GRIP1: variants seen among roughly 807,000 people sequenced by gnomAD.
The protein encoded by GRIP1 is glutamate receptor interacting protein 1.
A neutral mutation model predicts 129.9 loss-of-function variants in GRIP1; 45 were observed. That is an observed-to-expected ratio of 0.35 (90% CI 0.27 to 0.44). The LOEUF (loss-of-function observed/expected upper bound fraction) is 0.44, where lower values mean the gene tolerates loss of function less well. Ranked by LOEUF, GRIP1 falls within the 20% of genes least tolerant of loss-of-function variation. The probability of loss-of-function intolerance (pLI) is 1.00; values close to 1 mark genes in which losing one functional copy is unlikely to be tolerated. For synonymous variants in GRIP1, 530 were observed against 520.8 expected (o/e 1.02, Z -0.24); for missense variants, 1,196 against 1,396.8 (o/e 0.86, Z 2.29).
Position 66,959,290 on chromosome 12 carries a change from T to C in GRIP1, c.58+109760A>G, listed in dbSNP as rs1024595240. The stretch of plus-strand genomic sequence containing the variant: ...CTATAATTTAAACTAATTTATAGTT[T>C]TGTTTGGTTTTTTGCTTAAGCCACA... On this transcript the variant is annotated intron_variant, in intron 1 of 1. Transcript: ENST00000643019. 4.6e-5 allele frequency among the ~76,000 whole-genome samples: 7 copies of C among 152,184 alleles called. No individual in the cohort carries two copies. In the South Asian group the frequency reaches 1.4e-3, roughly 31 times the overall value.
chr12:66,437,280 C>T (rs1326961218), intron 13 of GRIP1, among the ~76,000 whole-genome samples: 1 of 152,170 alleles, frequency 6.6e-6, no homozygotes, highest in African/African-American at 2.4e-5. Context: ...AAGGATTTTT[C>T]TGAATCCAGT....
intron 19 of GRIP1, among the ~76,000 whole-genome samples, chr12:66,385,093 A>G (rs747147906): frequency 1.3e-5 from 2 of 152,248 alleles, no homozygotes; most frequent in African/African-American, 2.4e-5. Flanking sequence ...ATCAACTGCC[A>G]GATAGATAAT....
intron 1 of GRIP1, among the ~76,000 whole-genome samples, chr12:66,764,499 A>G (rs2037568724): frequency 6.6e-6 from 1 of 152,056 alleles, no homozygotes; most frequent in Non-Finnish European, 1.5e-5. Context: ...CAAAATTTAC[A>G]CTCAACTTTT....
At chr12:66,356,750 ACT>A (rs1025699715) in intron 23 of GRIP1, among the ~76,000 whole-genome samples, 7 of 152,088 alleles carry the variant, frequency 4.6e-5, no homozygotes, top group Non-Finnish European at 8.8e-5. Context: ...AAATATGATC[ACT>A]TTCTTTCATA....
intron 1 of GRIP1, among the ~76,000 whole-genome samples, chr12:66,916,075 A>AC (rs1348729067): frequency 6.6e-6 from 1 of 152,238 alleles, no homozygotes; most frequent in Non-Finnish European, 1.5e-5. Context: ...GTGGGCACAC[A>AC]CAGAATGGTG....
rs2054022517 is a variant in GRIP1, at chr12:66,347,537, A to G, written c.*1482T>C. On this transcript the variant is annotated 3_prime_UTR_variant, in exon 25 of 25. Coordinates refer to ENST00000359742, the MANE Select transcript of GRIP1 (RefSeq NM_001366722.1). ...TATTTGAACAATTTTGAATTCCCCA[A>G]AACCATACATAGACGATAAATACCA... 1 of 152,202 alleles carries G rather than the reference A, an allele frequency of 6.6e-6. No individual in the cohort carries two copies. Among genetic ancestry groups the G allele is most frequent in the Non-Finnish European group, 1.5e-5 (1 of 68,040 alleles). The allele number at this position is 152,202 out of a possible 1,614,324, so 9.4% of individuals were successfully genotyped here.
intron 1 of GRIP1, among the ~76,000 whole-genome samples, chr12:66,696,912 A>T (rs1195105773): frequency 6.6e-6 from 1 of 152,040 alleles, no homozygotes; most frequent in Non-Finnish European, 1.5e-5. Flanking sequence ...ATGCAAAAAA[A>T]GTTGCTTGTT....
intron 1 of GRIP1, among the ~76,000 whole-genome samples, chr12:66,618,649 CAA>C (rs1207198494): frequency 6.6e-6 from 1 of 152,066 alleles, no homozygotes; most frequent in Non-Finnish European, 1.5e-5. Flanking sequence ...TCTTTGCCAA[CAA>C]AGTCTAGTAA....
At chr12:66,716,146 A>G (rs2035880762) in intron 1 of GRIP1, among the ~76,000 whole-genome samples, 1 of 152,130 alleles carries the variant, frequency 6.6e-6, no homozygotes, top group Non-Finnish European at 1.5e-5. Flanking sequence ...AGGAAGATCA[A>G]ACGTGATAAA....
intron 1 of GRIP1, among the ~76,000 whole-genome samples, chr12:66,759,550 C>T (rs142122049): frequency 0.037 from 5,559 of 152,286 alleles, 120 homozygotes; most frequent in Middle Eastern, 0.082. Context: ...TTTGTCTTTT[C>T]TACTGCATCA....
At chr12:66,824,805 GA>G (rs1729472709) in intron 1 of GRIP1, among the ~76,000 whole-genome samples, 1 of 152,084 alleles carries the variant, frequency 6.6e-6, no homozygotes, top group African/African-American at 2.4e-5. Flanking sequence ...CTTTTTTTAA[GA>G]GGGGGCATAA....
At chr12:67,015,858 G>C (rs2042778583) in intron 1 of GRIP1, among the ~76,000 whole-genome samples, 1 of 152,136 alleles carries the variant, frequency 6.6e-6, no homozygotes, top group South Asian at 2.1e-4. Context: ...CCACATGAGA[G>C]ACAACAAGAA....
chr12:66,694,390 G>GT (rs2035082442), intron 1 of GRIP1, among the ~76,000 whole-genome samples: 1 of 152,074 alleles, frequency 6.6e-6, no homozygotes. Context: ...GAAACAGAGA[G>GT]TTTCCACATA....
At chr12:66,891,152 AT>A (rs1689437558) in intron 1 of GRIP1, among the ~76,000 whole-genome samples, 1 of 152,182 alleles carries the variant, frequency 6.6e-6, no homozygotes, top group Admixed American at 6.5e-5. Flanking sequence ...AAGCTTTTAT[AT>A]TTTTTTCCAC....
chr12:67,038,762 AC>A (rs1240454532), intron 1 of GRIP1, among the ~76,000 whole-genome samples: 2 of 152,218 alleles, frequency 1.3e-5, no homozygotes, highest in African/African-American at 4.8e-5. Context: ...CAGACTCTAT[AC>A]AAATCAAAAG....
intron 11 of GRIP1, among the ~76,000 whole-genome samples, chr12:66,449,438 G>C (rs374191195): frequency 1.4e-5 from 2 of 144,894 alleles, no homozygotes; most frequent in East Asian, 2.1e-4. Flanking sequence ...TGTCTAGGAG[G>C]AGTAAGAAAA....
At chr12:66,622,312 T>G (rs1277945765) in intron 1 of GRIP1, among the ~76,000 whole-genome samples, 1 of 151,990 alleles carries the variant, frequency 6.6e-6, no homozygotes, top group African/African-American at 2.4e-5. Context: ...GGGTAATGGG[T>G]ACAAAAATAT....
At chr12:66,961,950 A>G (rs1472555814) in intron 1 of GRIP1, among the ~76,000 whole-genome samples, 1 of 152,212 alleles carries the variant, frequency 6.6e-6, no homozygotes, top group Non-Finnish European at 1.5e-5. Context: ...AGTTGCCATA[A>G]AAACTTTTTA....
intron 1 of GRIP1, among the ~76,000 whole-genome samples, chr12:67,042,248 C>T (rs2135816801): frequency 6.6e-6 from 1 of 152,276 alleles, no homozygotes; most frequent in South Asian, 2.1e-4. Context: ...ATAAATTACT[C>T]AGGTTGGGGA....
Sources: gnomAD v4.1 joint callset for allele counts (sites outside exome capture counted in the v4.1 genomes callset) on GRCh38, gnomAD v4.1.1 for gene constraint, MANE v1.5 for transcripts, NCBI Gene and HGNC (gene_info 2026-07-23, HGNC 2026-07-21) for gene names.